Variants in RMND1 observed in about 807,000 individuals in gnomAD.
The protein encoded by RMND1 is required for meiotic nuclear division protein 1 homolog.
RMND1 carries 41 observed loss-of-function variants against 54.0 expected under a neutral mutation model. The ratio of observed to expected loss-of-function variants is 0.76; its 90% CI spans 0.59 to 0.98. The LOEUF (loss-of-function observed/expected upper bound fraction) is 0.98, where lower values mean the gene tolerates loss of function less well. Ranked by LOEUF, RMND1 falls within the 50% of genes least tolerant of loss-of-function variation. The pLI, the probability that RMND1 is intolerant of heterozygous loss-of-function variation, is 0.00. For synonymous variants in RMND1, 183 were observed against 181.7 expected, an observed-to-expected ratio of 1.01 and a Z score of -0.06; for missense variants, 457 against 532.0, an observed-to-expected ratio of 0.86 and a Z score of 1.39.
intron 2 of RMND1, among the ~76,000 whole-genome samples, chr6:151,438,681 T>C (rs1444721245): frequency 4.6e-5 from 7 of 151,918 alleles, no homozygotes; most frequent in South Asian, 2.1e-4. Flanking sequence ...TAGGATAGAG[T>C]AGGGGGGCCC....
chr6:151,428,205 C>T (rs1365020459), intron 5 of RMND1, among the ~76,000 whole-genome samples: 1 of 152,206 alleles, frequency 6.6e-6, no homozygotes, highest in Non-Finnish European at 1.5e-5. Context: ...ATCTCTTTCT[C>T]TCTTCTGTAC....
At chr6:151,405,639 T>A in intron 11 of RMND1, 81 bp downstream of exon 11, 2 of 721,122 alleles carry the variant, frequency 2.8e-6, no homozygotes, top group Non-Finnish European at 4.8e-6. Context: ...TAATTTTCTA[T>A]CTCAAACTAT....
chr6:151,405,935 GTCCTC>G, intron 10 of RMND1, 99 bp from the exon 11 acceptor site: 1 of 580,004 alleles, frequency 1.7e-6, no homozygotes, highest in South Asian at 2.4e-5. Context: ...CTGCTCCTCA[GTCCTC>G]TCCCCAAAGG....
intron 8 of RMND1, 89 bp from the exon 9 acceptor site, chr6:151,421,410 A>G (rs1780147838): frequency 6.5e-6 from 5 of 765,282 alleles, no homozygotes; most frequent in Non-Finnish European, 8.7e-6. Context: ...CTGAAGTGGC[A>G]TAATTTGGAT....
At chr6:151,421,407 G>T in intron 8 of RMND1, 86 bp from the exon 9 acceptor site, 1 of 760,278 alleles carries the variant, frequency 1.3e-6, no homozygotes, top group Non-Finnish European at 2.2e-6. Flanking sequence ...AATCTGAAGT[G>T]GCATAATTTG....
At chr6:151,413,684 C>G (rs961113391) in intron 10 of RMND1, 1 of 152,186 alleles carries the variant, frequency 6.6e-6, no homozygotes, top group East Asian at 1.9e-4. Context: ...TGTGCACAGT[C>G]GACAACCAGG....
chr6:151,437,930 C>T (rs1453804745), intron 2 of RMND1, among the ~76,000 whole-genome samples: 1 of 152,096 alleles, frequency 6.6e-6, no homozygotes, highest in African/African-American at 2.4e-5. Flanking sequence ...TGAGACTAAT[C>T]CAATTAGAAA....
At chr6:151,419,153 C>T (rs1480458332) in intron 9 of RMND1, among the ~76,000 whole-genome samples, 1 of 151,862 alleles carries the variant, frequency 6.6e-6, no homozygotes, top group Non-Finnish European at 1.5e-5. Flanking sequence ...CAACCTTCGC[C>T]TCCTGGGTTC....
At chr6:151,415,833 T>A (rs1239569697) in intron 10 of RMND1, among the ~76,000 whole-genome samples, 2 of 149,396 alleles carry the variant, frequency 1.3e-5, no homozygotes, top group African/African-American at 4.9e-5. Context: ...TGTATGACTA[T>A]CTATATAACA....
At chr6:151,422,677 C>T (rs1780186780) in intron 7 of RMND1, 72 bp from the exon 8 acceptor site, 2 of 632,328 alleles carry the variant, frequency 3.2e-6, no homozygotes, top group East Asian at 3.1e-5. Flanking sequence ...CATAATTGCA[C>T]AGCATCTTCA....
intron 2 of RMND1, among the ~76,000 whole-genome samples, chr6:151,440,817 C>CTTG (rs1780754155): frequency 6.6e-6 from 1 of 152,084 alleles, no homozygotes; most frequent in Non-Finnish European, 1.5e-5. Flanking sequence ...CATGGAATGT[C>CTTG]TTGTCTGCTT....
chr6:151,435,092 G>T (rs1349120599), intron 3 of RMND1, among the ~76,000 whole-genome samples: 1 of 149,984 alleles, frequency 6.7e-6, no homozygotes, highest in Non-Finnish European at 1.5e-5. Context: ...CAGGTGATCT[G>T]CCTGTCTCAG....
intron 6 of RMND1, among the ~76,000 whole-genome samples, chr6:151,424,762 G>A (rs1308937271): frequency 6.6e-6 from 1 of 152,082 alleles, no homozygotes; most frequent in African/African-American, 2.4e-5. Flanking sequence ...CAGGGGACAG[G>A]GGAAGAGCGG....
At chr6:151,415,792 C>CAAA (rs3029408) in intron 10 of RMND1, among the ~76,000 whole-genome samples, 1 of 93,748 alleles carries the variant, frequency 1.1e-5, no homozygotes, top group Non-Finnish European at 2.2e-5. Flanking sequence ...GACTCCGTCT[C>CAAA]AAAAAAAAAA....
intron 5 of RMND1, among the ~76,000 whole-genome samples, chr6:151,428,129 A>T (rs1047741983): frequency 2.0e-5 from 3 of 152,118 alleles, no homozygotes; most frequent in Non-Finnish European, 2.9e-5. Flanking sequence ...ATAAATAAAT[A>T]AAAAATAAAA....
chr6:151,411,759 C>G (rs763303693), intron 10 of RMND1: 1 of 152,152 alleles, frequency 6.6e-6, no homozygotes, highest in Admixed American at 6.5e-5. Flanking sequence ...ATTTGGCTTG[C>G]TGACAATTCA....
intron 9 of RMND1, among the ~76,000 whole-genome samples, chr6:151,419,671 TAAAA>T (rs11295311): frequency 1.7e-5 from 2 of 117,108 alleles, no homozygotes; most frequent in Non-Finnish European, 1.7e-5. Flanking sequence ...AGACCCTGTT[TAAAA>T]AAAAAAAAAA....
intron 10 of RMND1, among the ~76,000 whole-genome samples, chr6:151,409,436 C>CA (rs1779735862): frequency 6.6e-6 from 1 of 152,092 alleles, no homozygotes; most frequent in Admixed American, 6.5e-5. Context: ...AAGGTCCTCC[C>CA]ATGAGCTGAA....
At chr6:151,419,913 G>C in intron 9 of RMND1, among the ~76,000 whole-genome samples, 1 of 151,880 alleles carries the variant, frequency 6.6e-6, no homozygotes, top group Admixed American at 6.6e-5. Flanking sequence ...TGCATATAAA[G>C]ATAAACATGA....
Sources: gnomAD v4.1 joint callset for allele counts (sites outside exome capture counted in the v4.1 genomes callset) on GRCh38, gnomAD v4.1.1 for gene constraint, MANE v1.5 for transcripts, NCBI Gene and HGNC (gene_info 2026-07-23, HGNC 2026-07-21) for gene names.